Variants in SEMA3C observed in about 807,000 individuals in gnomAD.
SEMA3C encodes the protein semaphorin 3C.
SEMA3C carries 47 observed loss-of-function variants against 89.4 expected under a neutral mutation model. The observed-to-expected ratio is 0.53, with a 90% CI of 0.42 to 0.67. The LOEUF (loss-of-function observed/expected upper bound fraction) is 0.67, where lower values mean the gene tolerates loss of function less well. Ranked by LOEUF, SEMA3C falls within the 30% of genes least tolerant of loss-of-function variation. The probability of loss-of-function intolerance (pLI) is 0.00; values close to 1 mark genes in which losing one functional copy is unlikely to be tolerated. For missense variants in SEMA3C, 839 were observed against 929.1 expected (o/e 0.90, Z 1.26); for synonymous variants, 310 against 320.2 (o/e 0.97, Z 0.34).
At chr7:80,895,757 C>A (rs768762922) in intron 2 of SEMA3C, among the ~76,000 whole-genome samples, 3 of 152,020 alleles carry the variant, frequency 2.0e-5, no homozygotes, top group Non-Finnish European at 4.4e-5. Flanking sequence ...GTTAAAGATA[C>A]AAACAGCTAC....
At chr7:80,903,628 C>G (rs1300053492) in intron 2 of SEMA3C, among the ~76,000 whole-genome samples, 2 of 152,128 alleles carry the variant, frequency 1.3e-5, no homozygotes, top group Non-Finnish European at 2.9e-5. Flanking sequence ...CGCCACTGCA[C>G]TCCAGCCTGG....
chr7:80,824,231 CAG>C (rs1351298408), intron 4 of SEMA3C, among the ~76,000 whole-genome samples: 4 of 152,074 alleles, frequency 2.6e-5, no homozygotes, highest in African/African-American at 9.7e-5. Context: ...AGATGATTAA[CAG>C]AGCTAAAAGC....
intron 2 of SEMA3C, among the ~76,000 whole-genome samples, chr7:80,886,401 T>C (rs996963855): frequency 6.6e-6 from 1 of 151,598 alleles, no homozygotes; most frequent in African/African-American, 2.4e-5. Context: ...TTGCCCAGGA[T>C]GGAGTGCAGT....
intron 12 of SEMA3C, among the ~76,000 whole-genome samples, chr7:80,773,605 C>G (rs1004342657): frequency 6.6e-6 from 1 of 152,178 alleles, no homozygotes; most frequent in Non-Finnish European, 1.5e-5. Flanking sequence ...TCATTCCACA[C>G]TTTCTGTCTG....
upstream of SEMA3C, among the ~76,000 whole-genome samples, chr7:80,921,719 T>C (rs181213302): frequency 1.3e-5 from 2 of 152,296 alleles, no homozygotes; most frequent in African/African-American, 4.8e-5. Flanking sequence ...ACTAAAATAC[T>C]TAGGATAACT....
chr7:80,800,920 G>C (rs1369640600), intron 9 of SEMA3C, 94 bp from the exon 10 acceptor site: 1 of 693,344 alleles, frequency 1.4e-6, no homozygotes, highest in African/African-American at 1.9e-5. Context: ...ACTCTGAAAA[G>C]TACTCTGCAA....
chr7:80,818,786 G>C (rs1008392878), intron 4 of SEMA3C, among the ~76,000 whole-genome samples: 1 of 152,172 alleles, frequency 6.6e-6, no homozygotes. Context: ...GTTTGTATTA[G>C]GCCATATCTT....
At chr7:80,775,638 G>A (rs572047648) in intron 12 of SEMA3C, among the ~76,000 whole-genome samples, 1 of 151,960 alleles carries the variant, frequency 6.6e-6, no homozygotes, top group South Asian at 2.1e-4. Flanking sequence ...AACTAATTTG[G>A]TCATAAAACC....
chr7:80,843,366 T>C (rs1790314411), intron 2 of SEMA3C, among the ~76,000 whole-genome samples: 1 of 152,140 alleles, frequency 6.6e-6, no homozygotes. Context: ...AATGAGACTC[T>C]TTTTCTTTGT....
intron 2 of SEMA3C, among the ~76,000 whole-genome samples, chr7:80,858,555 C>A (rs1297717917): frequency 2.0e-5 from 3 of 152,096 alleles, no homozygotes; most frequent in Admixed American, 6.6e-5. Flanking sequence ...GGAGGAATTC[C>A]AGTTCCTATT....
chr7:80,802,362 A>G (rs1789229295), intron 9 of SEMA3C, among the ~76,000 whole-genome samples: 2 of 152,184 alleles, frequency 1.3e-5, no homozygotes, highest in Admixed American at 1.3e-4. Context: ...ATATTCATTT[A>G]TAAAAACACA....
chr7:80,878,326 C>T lies in SEMA3C; in HGVS notation c.103+38353G>A, dbSNP rs1474233672. The stretch of plus-strand genomic sequence containing the variant: ...CTGGGAGGCGGAGGTTGCGGTGAGC[C>T]GAGATTGCACCACTGCACTCCAGCC... On this transcript the variant is annotated intron_variant, in intron 2 of 17. Transcript: ENST00000265361. 2.6e-5 allele frequency among the ~76,000 whole-genome samples: 4 copies of T among 152,096 alleles called. No homozygotes were observed. In the East Asian group the frequency reaches 5.8e-4, roughly 22 times the overall value.
At chr7:80,820,388 TTATTTA>T (rs1789718443) in intron 4 of SEMA3C, among the ~76,000 whole-genome samples, 1 of 151,970 alleles carries the variant, frequency 6.6e-6, no homozygotes, top group South Asian at 2.1e-4. Flanking sequence ...ACCATATCTA[TTATTTA>T]TATTATTTAA....
intron 16 of SEMA3C, among the ~76,000 whole-genome samples, chr7:80,750,473 T>TATATATATACACACACACAC (rs869227686): frequency 4.0e-4 from 22 of 55,440 alleles, no homozygotes; most frequent in Non-Finnish European, 6.7e-4. Flanking sequence ...TATATATATA[T>TATATATATACACACACACAC]ACACACACAC....
At chr7:80,770,564 C>T (rs1788406400) in intron 12 of SEMA3C, among the ~76,000 whole-genome samples, 1 of 152,220 alleles carries the variant, frequency 6.6e-6, no homozygotes, top group Admixed American at 6.5e-5. Flanking sequence ...ATCTAAAAAT[C>T]CATTAAGCTA....
At position 80,905,706 on chromosome 7, in the gene SEMA3C, A is replaced by C. The variant is rs537859771; in HGVS notation, c.103+10973T>G. The C allele has an allele frequency of 4.0e-5, 18 of 454,808 alleles. 1 individual carries two copies. The highest frequency in any genetic ancestry group is 3.0e-4 in the South Asian group (18 of 60,302). The allele number at this position is 454,808 out of a possible 1,614,324, so 28.2% of individuals were successfully genotyped here. On this transcript the variant is annotated intron_variant, in intron 2 of 17. Coordinates refer to ENST00000265361, the MANE Select transcript of SEMA3C (RefSeq NM_006379.5). ...CAATGGGTTTAAAGCTGATGCTCTA[A>C]ACTAGTTTAAGATAATTTTTGCTTT...
chr7:80,841,459 T>A (rs1190594641), intron 2 of SEMA3C, among the ~76,000 whole-genome samples: 1 of 152,144 alleles, frequency 6.6e-6, no homozygotes, highest in African/African-American at 2.4e-5. Context: ...TATGCAAACT[T>A]TCCTTGCAGA....
chr7:80,780,560 A>T (rs140505910), intron 12 of SEMA3C, among the ~76,000 whole-genome samples: 14 of 152,322 alleles, frequency 9.2e-5, no homozygotes, highest in African/African-American at 3.1e-4. Flanking sequence ...GCTGTCATGA[A>T]CAAATTATTA....
intron 11 of SEMA3C, among the ~76,000 whole-genome samples, chr7:80,795,800 G>GA (rs894115599): frequency 1.5e-4 from 22 of 149,716 alleles, no homozygotes; most frequent in East Asian, 7.8e-4. Context: ...TTTGCATGAG[G>GA]AAAAAAAAAA....
Sources: allele counts gnomAD v4.1 joint callset (sites outside exome capture counted in the v4.1 genomes callset), GRCh38; gene constraint gnomAD v4.1.1; transcripts MANE v1.5; gene names NCBI Gene and HGNC (gene_info 2026-07-23, HGNC 2026-07-21).